Variants in KIAA1549L observed in about 807,000 individuals in gnomAD.
The protein encoded by KIAA1549L is UPF0606 protein KIAA1549L.
In KIAA1549L, 88 loss-of-function variants were observed where a neutral mutation model predicts 160.7. That is an observed-to-expected ratio of 0.55 (90% CI 0.46 to 0.65). KIAA1549L has a LOEUF of 0.65. Ranked by LOEUF, KIAA1549L falls within the 30% of genes least tolerant of loss-of-function variation. KIAA1549L has a pLI of 0.00. For missense variants in KIAA1549L, 2,258 were observed against 2,437.5 expected, an observed-to-expected ratio of 0.93 and a Z score of 1.55; for synonymous variants, 950 against 976.7, an observed-to-expected ratio of 0.97 and a Z score of 0.51.
chr11:33,417,023 T>C (rs2134096398), intron 1 of KIAA1549L, among the ~76,000 whole-genome samples: 1 of 152,330 alleles, frequency 6.6e-6, no homozygotes, highest in East Asian at 1.9e-4. Context: ...ACTTTCTGCA[T>C]TTGATGGAAA....
chr11:33,622,701 G>A (rs1236835402), intron 16 of KIAA1549L, among the ~76,000 whole-genome samples: 1 of 152,208 alleles, frequency 6.6e-6, no homozygotes, highest in Non-Finnish European at 1.5e-5. Flanking sequence ...ACACTACAAG[G>A]AGGTTGCCTG....
chr11:33,501,441 G>A (rs951675078), intron 1 of KIAA1549L, among the ~76,000 whole-genome samples: 1 of 152,138 alleles, frequency 6.6e-6, no homozygotes, highest in Non-Finnish European at 1.5e-5. Flanking sequence ...AGTTATCATT[G>A]CAGTTCATTT....
At chr11:33,589,456 T>C (rs939974526) in intron 11 of KIAA1549L, among the ~76,000 whole-genome samples, 2 of 152,188 alleles carry the variant, frequency 1.3e-5, no homozygotes, top group Non-Finnish European at 2.9e-5. Flanking sequence ...TAAAGACACA[T>C]GCATACGTAT....
intron 1 of KIAA1549L, among the ~76,000 whole-genome samples, chr11:33,378,423 C>T (rs570362263): frequency 6.6e-6 from 1 of 151,594 alleles, no homozygotes; most frequent in East Asian, 1.9e-4. Flanking sequence ...CTTGGCTCCT[C>T]TTTCAGACCG....
chr11:33,445,045 A>G (rs1416651124), intron 1 of KIAA1549L, among the ~76,000 whole-genome samples: 1 of 152,204 alleles, frequency 6.6e-6, no homozygotes, highest in Non-Finnish European at 1.5e-5. Flanking sequence ...CCAGGGATGC[A>G]GAAATAGTAG....
chr11:33,433,322 G>A (rs990389857), intron 1 of KIAA1549L, among the ~76,000 whole-genome samples: 2 of 152,124 alleles, frequency 1.3e-5, no homozygotes, highest in Non-Finnish European at 2.9e-5. Context: ...ACATTTACAT[G>A]GCCAACAAAT....
chr11:33,575,958 G>A (rs546366499), intron 10 of KIAA1549L, among the ~76,000 whole-genome samples: 193 of 152,248 alleles, frequency 1.3e-3, no homozygotes, highest in Non-Finnish European at 2.4e-3. Flanking sequence ...TTTTTAGGAA[G>A]CTTAATTGGT....
At chr11:33,430,359 G>C (rs1851213970) in intron 1 of KIAA1549L, among the ~76,000 whole-genome samples, 1 of 151,766 alleles carries the variant, frequency 6.6e-6, no homozygotes, top group African/African-American at 2.4e-5. Flanking sequence ...TATTTGGGGT[G>C]ATGTAGGTGG....
chr11:33,489,751 A>G (rs1323028583), intron 1 of KIAA1549L, among the ~76,000 whole-genome samples: 2 of 152,172 alleles, frequency 1.3e-5, no homozygotes, highest in East Asian at 3.9e-4. Context: ...ACTACATTCC[A>G]TTGGCCAGGA....
intron 1 of KIAA1549L, among the ~76,000 whole-genome samples, chr11:33,528,222 A>T (rs962118996): frequency 6.6e-6 from 1 of 152,206 alleles, no homozygotes. Flanking sequence ...CAAACTATGA[A>T]AAAATGCTCA....
intron 17 of KIAA1549L, among the ~76,000 whole-genome samples, chr11:33,650,571 C>G (rs1044026345): frequency 6.6e-6 from 1 of 152,098 alleles, no homozygotes; most frequent in African/African-American, 2.4e-5. Context: ...CCTGAGAAGC[C>G]CTTGTTCCCA....
At chr11:33,571,099 A>G (rs955152122) in intron 9 of KIAA1549L, among the ~76,000 whole-genome samples, 1 of 152,240 alleles carries the variant, frequency 6.6e-6, no homozygotes, top group Non-Finnish European at 1.5e-5. Flanking sequence ...TCTGGCTAAC[A>G]TGGTGAAACT....
In KIAA1549L at chr11:33,422,849, C is replaced by T. The variant is rs182076157; in HGVS notation, c.238+45960C>T. Among the ~76,000 whole-genome samples the T allele has an allele frequency of 5.9e-5, 9 of 152,132 alleles. No individual in the cohort carries two copies. The East Asian group carries it at 1.4e-3, about 23-fold the overall frequency. On this transcript the variant is annotated intron_variant, in intron 1 of 20. Transcript: ENST00000658780. ...TTTTTAAGTGTTAAAAACTCAATGG[C>T]GTATCACACAAAATGGCACTGCCCT... is the stretch of plus-strand genomic sequence containing the variant.
chr11:33,586,442 C>T (rs1249077119), intron 11 of KIAA1549L, among the ~76,000 whole-genome samples: 2 of 152,138 alleles, frequency 1.3e-5, no homozygotes, highest in African/African-American at 4.8e-5. Flanking sequence ...ATGATAAATG[C>T]AAGAGGGCCA....
rs1462852202 is a variant in KIAA1549L at position 33,376,486 on chromosome 11, G to C, written c.-166G>C. 3 of 147,666 alleles carry C rather than the reference G, an allele frequency of 2.0e-5. No homozygotes were observed. The highest frequency in any genetic ancestry group is 4.0e-4 in the East Asian group (2 of 5,026). 9.1% of individuals were successfully genotyped at this position (147,666 alleles called of 1,614,324 possible). A position where few individuals can be genotyped will look rare whatever the true frequency, so the allele number is the denominator to read the frequency against. On this transcript the variant is annotated 5_prime_UTR_variant, in exon 1 of 21. Transcript: ENST00000658780. This position sits in a 1 kb window ranked among gnomAD's most constrained non-coding sequence, Gnocchi z 5.8. Reference sequence around the variant, plus strand: ...GTGAAGCCGCGGCTCCCTGGAGCCCGCCCCGGGCGCGGCAGGACGAGCGAG... The same window carrying C: ...GTGAAGCCGCGGCTCCCTGGAGCCCCCCCCGGGCGCGGCAGGACGAGCGAG...
intron 16 of KIAA1549L, among the ~76,000 whole-genome samples, chr11:33,631,101 A>G (rs1851274761): frequency 6.6e-6 from 1 of 152,124 alleles, no homozygotes; most frequent in African/African-American, 2.4e-5. Flanking sequence ...TACTGTCTCC[A>G]TTACTCACCA....
intron 1 of KIAA1549L, among the ~76,000 whole-genome samples, chr11:33,432,047 CT>C (rs1383707135): frequency 3.3e-5 from 5 of 152,330 alleles, no homozygotes; most frequent in South Asian, 2.1e-4. Flanking sequence ...AGTGCGGGGC[CT>C]GCCAAGCCCA....
At chr11:33,434,379 A>G (rs1318990461) in intron 1 of KIAA1549L, among the ~76,000 whole-genome samples, 1 of 152,206 alleles carries the variant, frequency 6.6e-6, no homozygotes. Flanking sequence ...CCAGCTATGT[A>G]GAACTGTGAG....
chr11:33,459,564 G>A (rs1041643169), intron 1 of KIAA1549L, among the ~76,000 whole-genome samples: 7 of 152,198 alleles, frequency 4.6e-5, no homozygotes, highest in Non-Finnish European at 7.3e-5. Flanking sequence ...AAAGGAGTGA[G>A]GAGTTGAAAA....
Sources: gnomAD v4.1 joint callset for allele counts (sites outside exome capture counted in the v4.1 genomes callset) on GRCh38, gnomAD v4.1.1 for gene constraint, Gnocchi (gnomAD v3.1) non-coding constraint, MANE v1.5 for transcripts, NCBI Gene and HGNC (gene_info 2026-07-23, HGNC 2026-07-21) for gene names.